Variants in PRKD1 observed in about 807,000 individuals in gnomAD.
PRKD1 encodes serine/threonine-protein kinase D1.
Under a neutral mutation model 95.9 loss-of-function variants are expected in PRKD1, and 63 were observed. That is an observed-to-expected ratio of 0.66 (90% confidence interval 0.54 to 0.81). PRKD1 has a LOEUF of 0.81. Among genes scored for constraint, PRKD1 ranks in the 30% least tolerant of loss-of-function variants. The pLI, the probability that PRKD1 is intolerant of heterozygous loss-of-function variation, is 0.00. For synonymous variants in PRKD1, 425 were observed against 423.1 expected (o/e 1.00, Z -0.05); for missense variants, 1,048 against 1,165.3 (o/e 0.90, Z 1.47).
At chr14:29,807,497 G>C (rs898906406) in intron 1 of PRKD1, among the ~76,000 whole-genome samples, 1 of 151,872 alleles carries the variant, frequency 6.6e-6, no homozygotes, top group Non-Finnish European at 1.5e-5. Flanking sequence ...CCCAGGCTCA[G>C]GTGATCCTCC....
rs140912004 is a variant in PRKD1, at chr14:29,630,994, G to A, written c.1420C>T (p.Leu474=). The change falls in exon 10 of 18, where the codon CTG becomes TTG. Residue 474 remains leucine, a synonymous_variant. Coordinates refer to ENST00000331968, the MANE Select transcript of PRKD1 (RefSeq NM_002742.3). ...AAAGCTGAAGTTTTTACTGGTTCCA[G>A]AGACAAAATTTCAGATAAAGGAATT... is the stretch of plus-strand genomic sequence containing the variant. ...KEIPLSEILS[L]EPVKTSALIP... The A allele has an allele frequency of 1.4e-4, 221 of 1,609,952 alleles. No individual in the cohort carries two copies. The African/African-American group carries it at 2.7e-3, about 19-fold the overall frequency.
chr14:29,601,947 G>C (rs997444004), intron 13 of PRKD1, among the ~76,000 whole-genome samples: 3 of 152,172 alleles, frequency 2.0e-5, no homozygotes, highest in African/African-American at 7.2e-5. Flanking sequence ...CATGAGTTCG[G>C]CTAGAGTTCT....
intron 10 of PRKD1, among the ~76,000 whole-genome samples, chr14:29,629,918 G>A (rs2139108333): frequency 6.6e-6 from 1 of 152,102 alleles, no homozygotes; most frequent in East Asian, 1.9e-4. Context: ...ATGTCAAGCT[G>A]AAGCTGGCTA....
intron 1 of PRKD1, among the ~76,000 whole-genome samples, chr14:29,916,310 T>TA: frequency 6.6e-6 from 1 of 152,344 alleles, no homozygotes; most frequent in East Asian, 1.9e-4. Context: ...TTTCCACTGT[T>TA]ATTCCTGAGT....
intron 7 of PRKD1, among the ~76,000 whole-genome samples, chr14:29,635,485 G>GA (rs1195197122): frequency 7.9e-5 from 12 of 151,968 alleles, no homozygotes; most frequent in African/African-American, 2.7e-4. Flanking sequence ...CCATTAAATG[G>GA]AAAAAAACAA....
At chr14:29,874,835 G>A (rs571293018) in intron 1 of PRKD1, among the ~76,000 whole-genome samples, 2 of 152,284 alleles carry the variant, frequency 1.3e-5, no homozygotes, top group Non-Finnish European at 2.9e-5. Context: ...TCAGATGCTG[G>A]GAAGGGTATG....
Position 29,597,741 on chromosome 14 carries a change from A to T in PRKD1, c.2184T>A (p.Phe728Leu). 6.2e-7 allele frequency: 1 copy of T among 1,611,096 alleles called. No individual in the cohort carries two copies. The change falls in exon 16 of 18, where the codon TTT (phenylalanine) becomes TTA (leucine). Residue 728 changes from phenylalanine to leucine, a missense_variant. Transcript: ENST00000331968. ...DPFPQVKLCD[F>L]GFARIIGEKS... ...TCTCTCCAATGATCCGGGCAAAACC[A>T]AAATCACAAAGTTTCACCTGTTGAT...
At chr14:29,723,932 A>G (rs61978024) in intron 2 of PRKD1, among the ~76,000 whole-genome samples, 1,805 of 152,250 alleles carry the variant, frequency 0.012, 19 homozygotes, top group Non-Finnish European at 0.016. Flanking sequence ...CATGGAACAT[A>G]AAGGGTGGAC....
chr14:29,725,652 C>CCGTA lies in PRKD1; in HGVS notation c.283_286dup (p.Gly96ValfsTer5). Reference sequence around the variant, plus strand: ...AAAAAGCAGGATCTTATCATACATTCCGTAGAAACCACATTCAGGGAACTG... The same window carrying CCGTA: ...AAAAAGCAGGATCTTATCATACATTCCGTACGTAGAAACCACATTCAGGGAACTG... On this transcript the variant is annotated frameshift_variant, in exon 2 of 18. Transcript: ENST00000331968. LOFTEE classifies it high-confidence loss of function. 2.5e-6 allele frequency: 4 copies of CCGTA among 1,613,472 alleles called. No homozygotes were observed. Among genetic ancestry groups the CCGTA allele is most frequent in the Non-Finnish European group, 3.4e-6 (4 of 1,179,614 alleles).
rs977964780 is a variant in PRKD1, at chr14:29,578,492, A to G, written c.2435-132T>C. On this transcript the variant is annotated intron_variant, in intron 16 of 17. Transcript: ENST00000331968. ...TGACAAGGCACTAGAACCAAAAAAA[A>G]AAATCCTCTTAAGAATACTGAAACT... 136 of 445,780 alleles carry G rather than the reference A, an allele frequency of 3.1e-4. 2 individuals are homozygous for G. Among genetic ancestry groups the G allele is most frequent in the Middle Eastern group, 6.0e-4 (1 of 1,660 alleles). 27.6% of individuals were successfully genotyped at this position (445,780 alleles called of 1,614,324 possible). A position where few individuals can be genotyped will look rare whatever the true frequency, so the allele number is the denominator to read the frequency against.
At chr14:29,810,941 GT>G (rs1890458350) in intron 1 of PRKD1, among the ~76,000 whole-genome samples, 1 of 152,186 alleles carries the variant, frequency 6.6e-6, no homozygotes, top group Non-Finnish European at 1.5e-5. Context: ...ATCATTATGG[GT>G]TTTGTGCTGC....
At chr14:29,830,034 C>T (rs958410112) in intron 1 of PRKD1, among the ~76,000 whole-genome samples, 1 of 152,182 alleles carries the variant, frequency 6.6e-6, no homozygotes, top group Non-Finnish European at 1.5e-5. Flanking sequence ...ATAGAGACTA[C>T]ACAGCTCTGC....
At chr14:29,875,715 AAGG>A (rs1344754582) in intron 1 of PRKD1, among the ~76,000 whole-genome samples, 1 of 152,214 alleles carries the variant, frequency 6.6e-6, no homozygotes, top group East Asian at 1.9e-4. Context: ...ATGGTATCAT[AAGG>A]AGATGTATTA....
At chr14:29,762,768 T>C (rs1044458160) in intron 1 of PRKD1, among the ~76,000 whole-genome samples, 1 of 108,696 alleles carries the variant, frequency 9.2e-6, no homozygotes, top group Admixed American at 8.1e-5. Flanking sequence ...TAAGGTATTT[T>C]ATTTTATCTG....
chr14:29,920,825 C>T (rs1895075376), intron 1 of PRKD1, among the ~76,000 whole-genome samples: 1 of 152,188 alleles, frequency 6.6e-6, no homozygotes, highest in Non-Finnish European at 1.5e-5. Context: ...TTTGCCTTCT[C>T]ATCTCAAAAT....
At chr14:29,826,838 T>TACAC (rs1162574324) in intron 1 of PRKD1, among the ~76,000 whole-genome samples, 1 of 17,440 alleles carries the variant, frequency 5.7e-5, no homozygotes, top group African/African-American at 2.1e-4. Context: ...TATATATATA[T>TACAC]ACACACATAT....
At chr14:29,742,111 A>C (rs1160045600) in intron 1 of PRKD1, among the ~76,000 whole-genome samples, 1 of 152,208 alleles carries the variant, frequency 6.6e-6, no homozygotes, top group Admixed American at 6.5e-5. Flanking sequence ...TCTGATTTAA[A>C]GGATCAAAAT....
chr14:29,582,106 TA>T (rs370007096), intron 16 of PRKD1, among the ~76,000 whole-genome samples: 3 of 151,842 alleles, frequency 2.0e-5, no homozygotes, highest in Non-Finnish European at 4.4e-5. Flanking sequence ...TAATCCTACT[TA>T]AAAAAAAGTG....
At chr14:29,597,072 T>C (rs997901941) in intron 16 of PRKD1, among the ~76,000 whole-genome samples, 1 of 152,086 alleles carries the variant, frequency 6.6e-6, no homozygotes, top group African/African-American at 2.4e-5. Flanking sequence ...AGAAAACCAG[T>C]AGACAAAGAA....
Sources: allele counts gnomAD v4.1 joint callset (sites outside exome capture counted in the v4.1 genomes callset), GRCh38; gene constraint gnomAD v4.1.1; transcripts MANE v1.5; gene names NCBI Gene and HGNC (gene_info 2026-07-23, HGNC 2026-07-21).